PARL: variants seen among roughly 807,000 people sequenced by gnomAD.
The protein encoded by PARL is presenilin associated rhomboid like, also known as presenilin-associated rhomboid-like protein, mitochondrial.
In PARL, 44 loss-of-function variants were observed where a neutral mutation model predicts 51.6. The observed-to-expected ratio is 0.85, with a 90% CI of 0.67 to 1.10. The LOEUF (loss-of-function observed/expected upper bound fraction) is 1.10. Ranked by LOEUF, PARL falls within the 50% of genes least tolerant of loss-of-function variation. PARL has a pLI of 0.00. For synonymous variants in PARL, 172 were observed against 164.0 expected (o/e 1.05, Z -0.37); for missense variants, 441 against 469.5 (o/e 0.94, Z 0.56).
At chr3:183,874,571 G>A (rs1171680385) in intron 1 of PARL, among the ~76,000 whole-genome samples, 1 of 151,960 alleles carries the variant, frequency 6.6e-6, no homozygotes, top group Non-Finnish European at 1.5e-5. Context: ...ACCACACCGA[G>A]CTGATTTTTG....
rs1311118886 is a variant in PARL at position 183,876,547 on chromosome 3, G to A, written c.125+8175C>T. Among the ~76,000 whole-genome samples the A allele has an allele frequency of 5.4e-5, 7 of 130,822 alleles. No individual in the cohort carries two copies. The Admixed American group carries it at 5.4e-4, about 10-fold the overall frequency. The allele number at this position is 130,822 out of a possible 152,430, so 85.8% of individuals were successfully genotyped here. ...ACATACATCAAGCAGGAATTTCAAC[G>A]TTTAAGTCTTATTATTTAAGAAATA... is the stretch of plus-strand genomic sequence containing the variant. On this transcript the variant is annotated intron_variant, in intron 1 of 9. Transcript: ENST00000317096.
intron 1 of PARL, among the ~76,000 whole-genome samples, chr3:183,876,610 T>TAAAAAAAAAAAAAAAAA (rs576376716): frequency 4.2e-4 from 39 of 91,796 alleles, no homozygotes; most frequent in South Asian, 7.8e-4. Context: ...ATACATTTTG[T>TAAAAAAAAAAAAAAAAA]AAAAAAAAAA....
At chr3:183,830,959 C>T (rs1039980654) in intron 9 of PARL, among the ~76,000 whole-genome samples, 1 of 152,192 alleles carries the variant, frequency 6.6e-6, no homozygotes, top group Non-Finnish European at 1.5e-5. Flanking sequence ...AGGAACTCTT[C>T]ATTAATAAAG....
chr3:183,826,825 G>A, downstream of PARL: 1 of 969,202 alleles, frequency 1.0e-6, no homozygotes, highest in Non-Finnish European at 1.2e-6. Flanking sequence ...GATGGCGCTT[G>A]GGACTAAAAT....
At chr3:183,879,469 T>A (rs1269407082) in intron 1 of PARL, among the ~76,000 whole-genome samples, 1 of 152,108 alleles carries the variant, frequency 6.6e-6, no homozygotes, top group African/African-American at 2.4e-5. Flanking sequence ...AAGCCAACAT[T>A]TAGGAAACAG....
chr3:183,827,871 A>G (rs1727543554), downstream of PARL, among the ~76,000 whole-genome samples: 1 of 152,192 alleles, frequency 6.6e-6, no homozygotes, highest in Non-Finnish European at 1.5e-5. Flanking sequence ...GGCTTCAGCA[A>G]GTGCACCCAC....
intron 1 of PARL, among the ~76,000 whole-genome samples, chr3:183,882,126 C>T (rs965461729): frequency 1.3e-5 from 2 of 148,828 alleles, no homozygotes; most frequent in African/African-American, 5.0e-5. Context: ...ATCGCTTGAA[C>T]CCGGGAGGCG....
At position 183,884,813 on chromosome 3, in the gene PARL, C is replaced by T. The variant is rs1427219358; in HGVS notation, c.34G>A (p.Gly12Ser). 6.3e-7 allele frequency: 1 copy of T among 1,597,236 alleles called. No individual in the cohort carries two copies. Among genetic ancestry groups the T allele is most frequent in the African/African-American group, 1.3e-5 (1 of 74,816 alleles). The change falls in exon 1 of 10, where the codon GGC (glycine) becomes AGC (serine). Residue 12 changes from glycine to serine, a missense_variant. Coordinates refer to ENST00000317096, the MANE Select transcript of PARL (RefSeq NM_018622.7). The part of the protein sequence containing the change: ...AWRGWAQRGW[G>S]CGQAWGASVG... ...GACGCACCCCACGCCTGGCCGCAGC[C>T]CCAGCCTCTCTGCGCCCAGCCTCGC...
intron 4 of PARL, among the ~76,000 whole-genome samples, chr3:183,859,478 T>G (rs955861778): frequency 6.6e-6 from 1 of 151,924 alleles, no homozygotes; most frequent in Non-Finnish European, 1.5e-5. Flanking sequence ...GCTGGGATTA[T>G]AGGCATGCAC....
chr3:183,882,284 C>T (rs748797603), intron 1 of PARL, among the ~76,000 whole-genome samples: 142 of 90,596 alleles, frequency 1.6e-3, no homozygotes, highest in African/African-American at 2.6e-3. Flanking sequence ...TATATATATA[C>T]ACACACACAT....
intron 1 of PARL, among the ~76,000 whole-genome samples, chr3:183,882,689 T>C (rs2108730984): frequency 6.6e-6 from 1 of 152,342 alleles, no homozygotes; most frequent in East Asian, 1.9e-4. Context: ...TGTGGACTAC[T>C]GAAATCTGTC....
At chr3:183,835,813 C>T (rs532167428) in intron 7 of PARL, among the ~76,000 whole-genome samples, 7 of 152,034 alleles carry the variant, frequency 4.6e-5, no homozygotes, top group African/African-American at 9.6e-5. Context: ...CCAGCCTGGG[C>T]GACAGAGTGA....
At chr3:183,838,482 T>C (rs939593586) in intron 7 of PARL, among the ~76,000 whole-genome samples, 1 of 152,234 alleles carries the variant, frequency 6.6e-6, no homozygotes, top group Non-Finnish European at 1.5e-5. Flanking sequence ...TAATCACAGA[T>C]TCATTAAGAT....
downstream of PARL, among the ~76,000 whole-genome samples, chr3:183,828,460 C>G (rs1727584394): frequency 6.6e-6 from 1 of 152,220 alleles, no homozygotes; most frequent in Non-Finnish European, 1.5e-5. Context: ...GCTAAGATAA[C>G]TCTCTCCCCT....
intron 5 of PARL, 126 bp downstream of exon 5, chr3:183,844,105 A>G: frequency 1.3e-6 from 1 of 765,044 alleles, no homozygotes; most frequent in Admixed American, 1.8e-5. Flanking sequence ...CTTACAGCCT[A>G]TCCTCTGCAT....
intron 1 of PARL, among the ~76,000 whole-genome samples, chr3:183,871,540 G>C (rs114438149): frequency 2.7e-5 from 4 of 150,214 alleles, no homozygotes; most frequent in Admixed American, 6.6e-5. Context: ...AAAGGCTTGG[G>C]GGGGAGGGGT....
chr3:183,866,914 C>CTT (rs59742348), intron 2 of PARL, 149 bp from the exon 3 acceptor site: 111,468 of 578,672 alleles, frequency 0.19, 5,818 homozygotes, highest in East Asian at 0.37. Flanking sequence ...GTGAAAAGGG[C>CTT]TTTTTTTTTT....
Position 183,840,554 on chromosome 3 carries a change from C to G in PARL, c.828+16G>C. On this transcript the variant is annotated intron_variant, in intron 7 of 9. Coordinates refer to ENST00000317096, the MANE Select transcript of PARL (RefSeq NM_018622.7). Reference sequence around the variant, plus strand: ...TAAAAATTAAATTAAAAAAAATTTACAATAGAAATACTTACTGCACCAAGT... The same window carrying G: ...TAAAAATTAAATTAAAAAAAATTTAGAATAGAAATACTTACTGCACCAAGT... The G allele has an allele frequency of 8.0e-7, 1 of 1,246,600 alleles. No individual in the cohort carries two copies. Among genetic ancestry groups the G allele is most frequent in the Non-Finnish European group, 1.1e-6 (1 of 871,604 alleles). 77.2% of individuals were successfully genotyped at this position (1,246,600 alleles called of 1,614,324 possible).
chr3:183,869,264 T>G lies in PARL; in HGVS notation c.126-1204A>C, dbSNP rs1477510012. Among the ~76,000 whole-genome samples the G allele has an allele frequency of 2.0e-5, 3 of 151,188 alleles. No individual in the cohort carries two copies. In the Admixed American group the frequency reaches 2.0e-4, roughly 10 times the overall value. On this transcript the variant is annotated intron_variant, in intron 1 of 9. Transcript: ENST00000317096. ...TTCTGCCACCCAGGCTGGAGTACAATGACATAATCTTGGCTCACTGCAACC... is the reference window on the plus strand; with the variant it reads ...TTCTGCCACCCAGGCTGGAGTACAAGGACATAATCTTGGCTCACTGCAACC...
Sources: allele counts gnomAD v4.1 joint callset (sites outside exome capture counted in the v4.1 genomes callset), GRCh38; gene constraint gnomAD v4.1.1; transcripts MANE v1.5; gene names NCBI Gene and HGNC (gene_info 2026-07-23, HGNC 2026-07-21).